Variants in MFHAS1 observed in about 807,000 individuals in gnomAD.
MFHAS1 encodes malignant fibrous histiocytoma-amplified sequence 1.
In MFHAS1, 50 loss-of-function variants were observed where a neutral mutation model predicts 70.4. The ratio of observed to expected loss-of-function variants is 0.71; its 90% CI spans 0.57 to 0.90. The LOEUF (loss-of-function observed/expected upper bound fraction) is 0.90. Among genes scored for constraint, MFHAS1 ranks in the 40% least tolerant of loss-of-function variants. MFHAS1 has a pLI of 0.00. For synonymous variants in MFHAS1, 952 were observed against 620.0 expected (o/e 1.54, Z -7.96); for missense variants, 1,795 against 1,347.6 (o/e 1.33, Z -5.20).
At chr8:8,857,754 C>T (rs769403008) in intron 1 of MFHAS1, among the ~76,000 whole-genome samples, 4 of 150,152 alleles carry the variant, frequency 2.7e-5, no homozygotes, top group African/African-American at 9.8e-5. Context: ...AGCAAGACTC[C>T]GTCTCAAAAA....
Position 8,892,621 on chromosome 8 carries a change from C to G in MFHAS1, c.438G>C (p.Gln146His), listed in dbSNP as rs758415152. ...CCAGCTGGGCGGGCAGGGCGGGCAG[C>G]TGGTTGTGGCTGAGGTTGAGCTTCC... ...ELRKLNLSHNQLPALPAQLGA... is the reference protein window; with the variant it reads ...ELRKLNLSHNHLPALPAQLGA... The change falls in exon 1 of 3, where the codon CAG (glutamine) becomes CAC (histidine). Residue 146 changes from glutamine to histidine, a missense_variant. Coordinates refer to ENST00000276282, the MANE Select transcript of MFHAS1 (RefSeq NM_004225.3). This position sits in a 1 kb window ranked among gnomAD's most constrained non-coding sequence, Gnocchi z 4.7. 6.2e-7 allele frequency: 1 copy of G among 1,606,322 alleles called. No individual in the cohort carries two copies. The highest frequency in any genetic ancestry group is 8.5e-7 in the Non-Finnish European group (1 of 1,177,114).
chr8:8,845,634 T>C (rs1285667751), intron 1 of MFHAS1, among the ~76,000 whole-genome samples: 2 of 152,234 alleles, frequency 1.3e-5, no homozygotes, highest in Non-Finnish European at 2.9e-5. Flanking sequence ...TTTCCTTTTT[T>C]TGACTTAATA....
At chr8:8,829,078 GC>G (rs1326729159) in intron 1 of MFHAS1, among the ~76,000 whole-genome samples, 1 of 152,092 alleles carries the variant, frequency 6.6e-6, no homozygotes, top group Non-Finnish European at 1.5e-5. Context: ...TTGTGATCCA[GC>G]CCCCTGCCCA....
intron 1 of MFHAS1, among the ~76,000 whole-genome samples, chr8:8,830,659 G>C (rs901152300): frequency 6.6e-6 from 1 of 152,216 alleles, no homozygotes; most frequent in Non-Finnish European, 1.5e-5. Flanking sequence ...CTGCAGTGCA[G>C]TGGTGTGATC....
Position 8,852,243 on chromosome 8 carries a change from G to A in MFHAS1, c.2998+37818C>T, listed in dbSNP as rs374089393. Reference sequence around the variant, plus strand: ...CTGTAATCACATTTGGGAAGCCGAGGCGGGCAGATCACTTGAGGTCAGGAA... The same window carrying A: ...CTGTAATCACATTTGGGAAGCCGAGACGGGCAGATCACTTGAGGTCAGGAA... On this transcript the variant is annotated intron_variant, in intron 1 of 2. Transcript: ENST00000276282. Among the ~76,000 whole-genome samples the A allele has an allele frequency of 2.0e-4, 30 of 152,306 alleles. 1 individual carries two copies. The East Asian group carries it at 5.6e-3, about 28-fold the overall frequency.
At chr8:8,869,343 G>A (rs1233313156) in intron 1 of MFHAS1, among the ~76,000 whole-genome samples, 2 of 152,050 alleles carry the variant, frequency 1.3e-5, no homozygotes, top group South Asian at 2.1e-4. Context: ...AAGCTGATTC[G>A]TTATGCACAA....
intron 1 of MFHAS1, among the ~76,000 whole-genome samples, chr8:8,822,427 G>A (rs923945058): frequency 3.9e-5 from 6 of 152,032 alleles, no homozygotes; most frequent in Non-Finnish European, 7.4e-5. Context: ...AGGGGACCAC[G>A]CCAGGGGCAC....
At chr8:8,864,151 T>A (rs1223577404) in intron 1 of MFHAS1, among the ~76,000 whole-genome samples, 2 of 152,208 alleles carry the variant, frequency 1.3e-5, no homozygotes. Context: ...CCTTCTTCCC[T>A]GGCAACACTT....
intron 1 of MFHAS1, among the ~76,000 whole-genome samples, chr8:8,841,183 C>T (rs1163441591): frequency 6.6e-6 from 1 of 152,188 alleles, no homozygotes; most frequent in Non-Finnish European, 1.5e-5. Context: ...TACTTCAAGA[C>T]TTCTTTTTGG....
rs954314012 is a variant in MFHAS1, at chr8:8,822,601, T to G, written c.2999-25110A>C. On this transcript the variant is annotated intron_variant, in intron 1 of 2. Transcript: ENST00000276282. ...AGGACAGGGACCAAATCAGGGGGAA[T>G]GAGATGGAGACAGGGACCCAAGTCA... Among the ~76,000 whole-genome samples, 3 of 138,048 alleles carry G rather than the reference T, an allele frequency of 2.2e-5. No homozygotes were observed. In the South Asian group the frequency reaches 7.3e-4, roughly 33 times the overall value. 90.6% of individuals were successfully genotyped at this position (138,048 alleles called of 152,430 possible).
rs748894659 is a variant in MFHAS1 at position 8,892,101 on chromosome 8, G to C, written c.958C>G (p.Arg320Gly). 1 of 1,613,324 alleles carries C rather than the reference G, an allele frequency of 6.2e-7. No homozygotes were observed. Among genetic ancestry groups the C allele is most frequent in the Non-Finnish European group, 8.5e-7 (1 of 1,180,026 alleles). The change falls in exon 1 of 3, where the codon CGG becomes GGG. Residue 320 changes from arginine to glycine, a missense_variant. Arg to Gly is a moderately radical substitution (Grantham distance 125). Transcript: ENST00000276282. The surrounding 1 kb of genome is among the most constrained non-coding windows in gnomAD (Gnocchi z 4.7). ...SVPSLISGLGRLLTLWLDNNR... is the reference protein window; with the variant it reads ...SVPSLISGLGGLLTLWLDNNR... ...TTATCCAGCCACAAGGTGAGAAGCC[G>C]GCCCAGGCCCGAGATAAGGGATGGC...
intron 2 of MFHAS1, chr8:8,790,539 C>A: frequency 4.7e-6 from 1 of 212,528 alleles, no homozygotes; most frequent in South Asian, 1.7e-4. Flanking sequence ...AGGCAAAGAG[C>A]TGCCTCACTC....
intron 1 of MFHAS1, among the ~76,000 whole-genome samples, chr8:8,859,003 T>TAC (rs982978321): frequency 3.3e-5 from 5 of 152,136 alleles, no homozygotes; most frequent in African/African-American, 9.7e-5. Context: ...TGCACACACA[T>TAC]ACACACACAC....
At chr8:8,792,589 G>C (rs897195989) in intron 2 of MFHAS1, among the ~76,000 whole-genome samples, 2 of 152,202 alleles carry the variant, frequency 1.3e-5, no homozygotes, top group Non-Finnish European at 2.9e-5. Flanking sequence ...CTGGGCTACA[G>C]AGTGAGACTT....
At chr8:8,888,180 T>C (rs1357454234) in intron 1 of MFHAS1, among the ~76,000 whole-genome samples, 1 of 152,204 alleles carries the variant, frequency 6.6e-6, no homozygotes, top group Non-Finnish European at 1.5e-5. Flanking sequence ...ACATACAGAA[T>C]GGATGTCTCA....
chr8:8,872,395 G>A (rs928125006), intron 1 of MFHAS1, among the ~76,000 whole-genome samples: 4 of 152,186 alleles, frequency 2.6e-5, no homozygotes, highest in Non-Finnish European at 5.9e-5. Flanking sequence ...AAAGGGGACG[G>A]CAGGAGGATT....
chr8:8,787,722 T>C lies in MFHAS1; in HGVS notation c.3126-1667A>G, dbSNP rs139199260. ...GCAGCTAACTTTGGTGGTGTGAGTT[T>C]TGGGTTCACGTGGGAGATGTGTTAC... is the stretch of plus-strand genomic sequence containing the variant. On this transcript the variant is annotated intron_variant, in intron 2 of 2. Transcript: ENST00000276282. 4.6e-3 allele frequency among the ~76,000 whole-genome samples: 695 copies of C among 152,326 alleles called. 9 individuals carry two copies. The highest frequency in any genetic ancestry group is 0.016 in the African/African-American group (652 of 41,566).
At chr8:8,823,181 CG>C (rs1434989224) in intron 1 of MFHAS1, among the ~76,000 whole-genome samples, 2 of 152,202 alleles carry the variant, frequency 1.3e-5, no homozygotes, top group African/African-American at 4.8e-5. Flanking sequence ...TAACTACAAA[CG>C]GTTTTTCTCA....
intron 1 of MFHAS1, among the ~76,000 whole-genome samples, chr8:8,854,876 G>A (rs1420335445): frequency 2.0e-5 from 3 of 151,934 alleles, no homozygotes; most frequent in African/African-American, 7.3e-5. Flanking sequence ...TGGCTATCCT[G>A]TTTTTTTGGT....
Sources: gnomAD v4.1 joint callset for allele counts (sites outside exome capture counted in the v4.1 genomes callset) on GRCh38, gnomAD v4.1.1 for gene constraint, Gnocchi (gnomAD v3.1) non-coding constraint, MANE v1.5 for transcripts, NCBI Gene and HGNC (gene_info 2026-07-23, HGNC 2026-07-21) for gene names.